Variants in PRKN observed in about 807,000 individuals in gnomAD.
The protein encoded by PRKN is E3 ubiquitin-protein ligase parkin.
In PRKN, 56 loss-of-function variants were observed where a neutral mutation model predicts 59.5. That is an observed-to-expected ratio of 0.94 (90% CI 0.76 to 1.18). PRKN has a LOEUF of 1.18. PRKN is among the 50% of genes most tolerant of loss of function. The pLI is 0.00. For synonymous variants in PRKN, 250 were observed against 222.1 expected (o/e 1.13, Z -1.12); for missense variants, 657 against 596.4 (o/e 1.10, Z -1.06).
At position 161,349,854 on chromosome 6, in the gene PRKN, G is replaced by A. The variant is rs1652456971; in HGVS notation, c.*245C>T. ...GCAGATGGCTCTGCTGTCTTGTGTG[G>A]ACAAACTGAAAGGGATTCAGGAGCT... On this transcript the variant is annotated 3_prime_UTR_variant, in exon 12 of 12. Transcript: ENST00000366898. This position sits in a 1 kb window ranked among gnomAD's most constrained non-coding sequence, Gnocchi z 5.5. The A allele has an allele frequency of 3.5e-6, 2 of 574,594 alleles. No individual in the cohort carries two copies. Among genetic ancestry groups the A allele is most frequent in the Non-Finnish European group, 6.3e-6 (2 of 315,508 alleles). The allele number at this position is 574,594 out of a possible 1,614,324, so 35.6% of individuals were successfully genotyped here.
chr6:162,668,884 G>C (rs1954909), intron 1 of PRKN, among the ~76,000 whole-genome samples: 95,448 of 151,906 alleles, frequency 0.63, 30,721 homozygotes, highest in African/African-American at 0.75. Flanking sequence ...TTCATTCTGA[G>C]AGTGGATGAT....
intron 3 of PRKN, among the ~76,000 whole-genome samples, chr6:162,219,415 T>C (rs1480569785): frequency 6.6e-6 from 1 of 152,206 alleles, no homozygotes; most frequent in Non-Finnish European, 1.5e-5. Context: ...ATTGGCTTTA[T>C]TTCATTTCTA....
At chr6:162,717,802 A>G (rs1286928889) in intron 1 of PRKN, among the ~76,000 whole-genome samples, 1 of 152,224 alleles carries the variant, frequency 6.6e-6, no homozygotes, top group Non-Finnish European at 1.5e-5. Flanking sequence ...CCAGAACATG[A>G]GCATAGTATG....
intron 6 of PRKN, among the ~76,000 whole-genome samples, chr6:161,901,374 G>T (rs73022590): frequency 0.044 from 6,747 of 152,224 alleles, 416 homozygotes; most frequent in East Asian, 0.33. Context: ...GTCCTGCCTG[G>T]GGGAGAGAAA....
intron 1 of PRKN, among the ~76,000 whole-genome samples, chr6:162,655,394 A>G (rs902379480): frequency 6.6e-6 from 1 of 152,174 alleles, no homozygotes; most frequent in African/African-American, 2.4e-5. Context: ...GCAGCCTAGT[A>G]TAACTGTGTG....
intron 1 of PRKN, among the ~76,000 whole-genome samples, chr6:162,659,209 A>G (rs1778786006): frequency 6.6e-6 from 1 of 152,162 alleles, no homozygotes; most frequent in Non-Finnish European, 1.5e-5. Context: ...GGCTATGCCT[A>G]ATTTTACACT....
At chr6:162,476,803 A>C (rs1448439225) in intron 1 of PRKN, among the ~76,000 whole-genome samples, 1 of 152,162 alleles carries the variant, frequency 6.6e-6, no homozygotes, top group Non-Finnish European at 1.5e-5. Context: ...ATTGTTAACC[A>C]CCCACAAGAA....
intron 6 of PRKN, among the ~76,000 whole-genome samples, chr6:161,795,839 A>T (rs9458374): frequency 0.023 from 3,470 of 152,300 alleles, 143 homozygotes; most frequent in African/African-American, 0.08. Context: ...AACTATAGGG[A>T]AGTGGGAAAA....
At chr6:161,972,377 A>G (rs1562429242) in intron 6 of PRKN, among the ~76,000 whole-genome samples, 1 of 152,160 alleles carries the variant, frequency 6.6e-6, no homozygotes, top group Non-Finnish European at 1.5e-5. Context: ...AACGAAGCTA[A>G]TTTCTTTTCT....
At chr6:161,559,708 C>G (rs770662323) in intron 8 of PRKN, among the ~76,000 whole-genome samples, 1 of 152,124 alleles carries the variant, frequency 6.6e-6, no homozygotes, top group African/African-American at 2.4e-5. Context: ...CTAGGTGATT[C>G]TGAGGGAAGG....
intron 5 of PRKN, among the ~76,000 whole-genome samples, chr6:162,026,377 C>T (rs185832020): frequency 7.2e-5 from 11 of 152,198 alleles, no homozygotes; most frequent in Non-Finnish European, 1.2e-4. Flanking sequence ...TCCAGCTCTA[C>T]GTCAACTCTC....
At position 162,178,824 on chromosome 6, in the gene PRKN, C is replaced by T. The variant is rs78559837; in HGVS notation, c.534+22307G>A. On this transcript the variant is annotated intron_variant, in intron 4 of 11. Transcript: ENST00000366898. The stretch of plus-strand genomic sequence containing the variant: ...ATTCAGCAGCTTTCTATCTAGGTGT[C>T]TGATTTACTGAATTGCATCATCTCT... Among the ~76,000 whole-genome samples the T allele has an allele frequency of 6.1e-3, 927 of 152,226 alleles. 10 individuals carry two copies. Among genetic ancestry groups the T allele is most frequent in the African/African-American group, 0.021 (879 of 41,536 alleles).
At chr6:162,031,760 C>T (rs1783651167) in intron 5 of PRKN, among the ~76,000 whole-genome samples, 1 of 152,042 alleles carries the variant, frequency 6.6e-6, no homozygotes, top group Non-Finnish European at 1.5e-5. Context: ...GAACTCCTGA[C>T]CTCAGGTGAT....
rs537974276 is a variant in PRKN, at chr6:161,621,084, G to T, written c.872-51668C>A. Among the ~76,000 whole-genome samples the T allele has an allele frequency of 3.9e-5, 6 of 152,254 alleles. No homozygotes were observed. In the South Asian group the frequency reaches 1.2e-3, roughly 32 times the overall value. ...ATGCTTACCATCAATGCCCCTGACA[G>T]CCTGGGTGAGGGTGCAGGGGAGAGG... On this transcript the variant is annotated intron_variant, in intron 7 of 11. Transcript: ENST00000366898.
chr6:162,318,813 A>T (rs561342428), intron 2 of PRKN, among the ~76,000 whole-genome samples: 62 of 152,190 alleles, frequency 4.1e-4, no homozygotes, highest in Non-Finnish European at 6.2e-4. Context: ...GAAAGCAAAA[A>T]CGAATTGAAA....
At chr6:162,513,654 T>C (rs1292478570) in intron 1 of PRKN, among the ~76,000 whole-genome samples, 1 of 151,234 alleles carries the variant, frequency 6.6e-6, no homozygotes, top group Non-Finnish European at 1.5e-5. Flanking sequence ...AGAAGGTAAC[T>C]GGACATAAAC....
At chr6:162,510,472 G>A (rs769942296) in intron 1 of PRKN, among the ~76,000 whole-genome samples, 2 of 152,166 alleles carry the variant, frequency 1.3e-5, no homozygotes, top group East Asian at 1.9e-4. Context: ...TTGTTTAGTG[G>A]CCTCCTTGGC....
intron 1 of PRKN, among the ~76,000 whole-genome samples, chr6:162,709,217 T>C (rs1176588343): frequency 6.6e-6 from 1 of 152,060 alleles, no homozygotes; most frequent in Non-Finnish European, 1.5e-5. Flanking sequence ...TACAATGTAA[T>C]AAAGGGCACA....
Position 162,451,880 on chromosome 6 carries a change from A to T in PRKN, c.8-8407T>A, listed in dbSNP as rs370497363. Among the ~76,000 whole-genome samples, 6 of 152,332 alleles carry T rather than the reference A, an allele frequency of 3.9e-5. No homozygotes were observed. In the South Asian group the frequency reaches 6.2e-4, roughly 16 times the overall value. ...AAATAAATAAATTTACATATTCAAG[A>T]TGTTCAACAAATGTCAAGCAGGATA... On this transcript the variant is annotated intron_variant, in intron 1 of 11. Transcript: ENST00000366898.
Sources: allele counts gnomAD v4.1 joint callset (sites outside exome capture counted in the v4.1 genomes callset), GRCh38; gene constraint gnomAD v4.1.1; non-coding constraint Gnocchi (gnomAD v3.1); transcripts MANE v1.5; gene names NCBI Gene and HGNC (gene_info 2026-07-23, HGNC 2026-07-21).